The following GMEB1 variants were observed in gnomAD, a reference collection of about 807,000 sequenced individuals.
GMEB1 encodes glucocorticoid modulatory element-binding protein 1.
GMEB1 carries 6 observed loss-of-function variants against 52.4 expected under a neutral mutation model. The ratio of observed to expected loss-of-function variants is 0.11; its 90% CI spans 0.06 to 0.23. The LOEUF (loss-of-function observed/expected upper bound fraction) is 0.23. GMEB1 is among the 10% of genes least tolerant of loss of function. GMEB1 has a pLI of 1.00. For missense variants in GMEB1, 486 were observed against 685.6 expected, an observed-to-expected ratio of 0.71 and a Z score of 3.25; for synonymous variants, 255 against 244.9, an observed-to-expected ratio of 1.04 and a Z score of -0.38.
At chr1:28,696,347 G>A (rs919115062) in intron 5 of GMEB1, among the ~76,000 whole-genome samples, 1 of 152,098 alleles carries the variant, frequency 6.6e-6, no homozygotes, top group Non-Finnish European at 1.5e-5. Flanking sequence ...GATTACAGGC[G>A]TGAATCACTG....
intron 3 of GMEB1, among the ~76,000 whole-genome samples, chr1:28,690,450 A>G (rs1362447344): frequency 6.6e-6 from 1 of 152,064 alleles, no homozygotes; most frequent in Admixed American, 6.6e-5. Context: ...AAAATCCCAT[A>G]TAGAAATTGG....
intron 2 of GMEB1, among the ~76,000 whole-genome samples, chr1:28,687,993 G>C (rs1277794277): frequency 1.3e-5 from 2 of 152,106 alleles, no homozygotes; most frequent in Non-Finnish European, 2.9e-5. Context: ...ACTTCCAAAT[G>C]TATTTATTTG....
chr1:28,669,809 C>T (rs1668800092), intron 1 of GMEB1, among the ~76,000 whole-genome samples: 2 of 152,166 alleles, frequency 1.3e-5, no homozygotes, highest in South Asian at 4.1e-4. Flanking sequence ...AAGGTGTTCC[C>T]GCTTTCTGAA....
At position 28,711,647 on chromosome 1, in the gene GMEB1, G is replaced by T. The variant is rs57988615; in HGVS notation, c.991+1005G>T. Among the ~76,000 whole-genome samples, 468 of 152,150 alleles carry T rather than the reference G, an allele frequency of 3.1e-3. 3 individuals carry two copies. Among genetic ancestry groups the T allele is most frequent in the African/African-American group, 9.6e-3 (397 of 41,512 alleles). On this transcript the variant is annotated intron_variant, in intron 9 of 9. Transcript: ENST00000373816. Reference sequence around the variant, plus strand: ...GTTTTGTATTTTTGGTAGAGATGGGGTTTTACCACATTGCCCAGGCTGGTC... The same window carrying T: ...GTTTTGTATTTTTGGTAGAGATGGGTTTTTACCACATTGCCCAGGCTGGTC...
chr1:28,714,460 G>T lies in GMEB1; in HGVS notation c.1379G>T (p.Ser460Ile). ...PDTVTIHPSSSLALLSSTAMQ... is the reference protein window; with the variant it reads ...PDTVTIHPSSILALLSSTAMQ... ...ACAGTGACCATCCACCCTTCATCTA[G>T]CTTGGCGCTGCTGAGCTCTACTGCC... Residue 460 changes from serine (S) to isoleucine (I), a missense_variant, in exon 10 of 10, where the codon AGC (serine) becomes ATC (isoleucine). Physicochemically the swap from Ser to Ile is moderately radical, Grantham distance 142 (BLOSUM62 -2). Coordinates refer to ENST00000373816, the MANE Select transcript of GMEB1 (RefSeq NM_001319674.2). 6.2e-7 allele frequency: 1 copy of T among 1,614,206 alleles called. No individual in the cohort carries two copies. Among genetic ancestry groups the T allele is most frequent in the Non-Finnish European group, 8.5e-7 (1 of 1,180,040 alleles).
At chr1:28,697,731 C>G (rs1298313418) in intron 6 of GMEB1, among the ~76,000 whole-genome samples, 1 of 152,172 alleles carries the variant, frequency 6.6e-6, no homozygotes, top group Non-Finnish European at 1.5e-5. Flanking sequence ...ACTTTGGTGC[C>G]ACTTGGCATA....
chr1:28,709,829 G>A (rs1020690052), intron 8 of GMEB1, among the ~76,000 whole-genome samples: 6 of 152,200 alleles, frequency 3.9e-5, no homozygotes, highest in East Asian at 1.9e-4. Context: ...GATTACAAAT[G>A]TGAGCCACCG....
chr1:28,714,017 T>G, intron 9 of GMEB1, 56 bp from the exon 10 acceptor site: 1 of 1,326,686 alleles, frequency 7.5e-7, no homozygotes, highest in South Asian at 1.3e-5. Context: ...ACTCTCAGTT[T>G]AATGCTCCCA....
intron 9 of GMEB1, 34 bp from the exon 10 acceptor site, chr1:28,714,039 C>T: frequency 6.7e-7 from 1 of 1,491,570 alleles, no homozygotes; most frequent in Non-Finnish European, 9.2e-7. Context: ...GATTTTACTT[C>T]CCTCTACACA....
chr1:28,677,151 C>T (rs1669186923), intron 1 of GMEB1, among the ~76,000 whole-genome samples: 1 of 151,926 alleles, frequency 6.6e-6, no homozygotes, highest in Admixed American at 6.6e-5. Context: ...TCCTATCCCC[C>T]AGATATCACA....
chr1:28,695,790 T>A (rs1486684389), intron 5 of GMEB1, among the ~76,000 whole-genome samples: 1 of 143,966 alleles, frequency 6.9e-6, no homozygotes, highest in Non-Finnish European at 1.5e-5. Flanking sequence ...ATACAAAAAA[T>A]TAGCCGGGCG....
At chr1:28,708,914 A>G (rs12758914) in intron 8 of GMEB1, among the ~76,000 whole-genome samples, 70,797 of 151,736 alleles carry the variant, frequency 0.47, 17,003 homozygotes, top group East Asian at 0.77. Flanking sequence ...GGCAGATCAC[A>G]AGGTCAGGAG....
rs971355547 is a variant in GMEB1 at position 28,718,957 on chromosome 1, G to A, written c.*4184G>A. 9.8e-5 allele frequency: 15 copies of A among 152,300 alleles called. No homozygotes were observed. The highest frequency in any genetic ancestry group is 2.9e-4 in the African/African-American group (12 of 41,572). The allele number at this position is 152,300 out of a possible 1,614,324, so 9.4% of individuals were successfully genotyped here. ...GTTTATTGTACTACTTGATTTTCAA[G>A]TAATTGGGCTTATTTATTCTAGAGA... On this transcript the variant is annotated 3_prime_UTR_variant, in exon 10 of 10. Transcript: ENST00000373816.
In GMEB1 at chr1:28,690,159, A is replaced by T. The variant is rs766911275; in HGVS notation, c.184A>T (p.Thr62Ser). The T allele has an allele frequency of 6.4e-7, 1 of 1,557,788 alleles. No homozygotes were observed. Among genetic ancestry groups the T allele is most frequent in the Admixed American group, 1.8e-5 (1 of 56,608 alleles). ...NTAVVAVETH[T>S]IHKIEEGIDT... ...GGCAGTTGTAGCAGTAGAAACTCAC[A>T]CGATACACAAAATTGAAGAAGGGAT... Residue 62 changes from threonine (T) to serine (S), a missense_variant, in exon 3 of 10, where the codon ACG (threonine) becomes TCG (serine). Thr to Ser is a moderately conservative substitution (Grantham distance 58). Coordinates refer to ENST00000373816, the MANE Select transcript of GMEB1 (RefSeq NM_001319674.2).
rs56214028 is a variant in GMEB1, at chr1:28,716,741, T to TGGG, written c.*1977_*1979dup. On this transcript the variant is annotated 3_prime_UTR_variant, in exon 10 of 10. Transcript: ENST00000373816. The stretch of plus-strand genomic sequence containing the variant: ...ACCAGGAATGTCAATAATAATGCTT[T>TGGG]GGGGGGGGGGGTTATTTTGTTTTGT... 12 of 139,266 alleles carry TGGG rather than the reference T, an allele frequency of 8.6e-5. No homozygotes were observed. Among genetic ancestry groups the TGGG allele is most frequent in the Non-Finnish European group, 1.6e-4 (10 of 64,458 alleles). The allele number at this position is 139,266 out of a possible 1,614,324, so 8.6% of individuals were successfully genotyped here.
chr1:28,697,800 G>A (rs959598297), intron 6 of GMEB1, among the ~76,000 whole-genome samples: 1 of 152,122 alleles, frequency 6.6e-6, no homozygotes, highest in African/African-American at 2.4e-5. Context: ...GGTGGCTGAC[G>A]CCTGTAATCC....
Position 28,704,262 on chromosome 1 carries a change from G to A in GMEB1, c.801G>A (p.Gln267=), listed in dbSNP as rs761435111. ...TGGAAGAGGTTGTCTGCAATATACA[G>A]AAGGAAATAGAGGAGCTACTCAGGG... ...GLMEEVVCNI[Q]KEIEELLRGV... is the part of the protein sequence containing the mutation. The change falls in exon 8 of 10, where the codon CAG becomes CAA. Residue 267 remains glutamine (Q), a synonymous_variant. Transcript: ENST00000373816. 9 of 1,613,912 alleles carry A rather than the reference G, an allele frequency of 5.6e-6. No homozygotes were observed. The highest frequency in any genetic ancestry group is 7.6e-6 in the Non-Finnish European group (9 of 1,179,906).
intron 6 of GMEB1, among the ~76,000 whole-genome samples, chr1:28,699,968 A>AG (rs1234778928): frequency 6.7e-6 from 1 of 149,888 alleles, no homozygotes; most frequent in Non-Finnish European, 1.5e-5. Context: ...CCAGCTACTA[A>AG]GGAGACTGAG....
chr1:28,709,777 A>AT (rs1269840073), intron 8 of GMEB1, among the ~76,000 whole-genome samples: 2 of 151,862 alleles, frequency 1.3e-5, no homozygotes, highest in Non-Finnish European at 1.5e-5. Flanking sequence ...GATTATTATT[A>AT]TTTTTTACCC....
Sources: gnomAD v4.1 joint callset for allele counts (sites outside exome capture counted in the v4.1 genomes callset) on GRCh38, gnomAD v4.1.1 for gene constraint, MANE v1.5 for transcripts, NCBI Gene and HGNC (gene_info 2026-07-23, HGNC 2026-07-21) for gene names.